Variants in FHIP1A observed in about 807,000 individuals in gnomAD.
FHIP1A encodes the protein FHF complex subunit HOOK interacting protein 1A.
FHIP1A carries 61 observed loss-of-function variants against 88.6 expected under a neutral mutation model. The ratio of observed to expected loss-of-function variants is 0.69; its 90% CI spans 0.56 to 0.85. FHIP1A has a LOEUF of 0.85. Among genes scored for constraint, FHIP1A ranks in the 40% least tolerant of loss-of-function variants. FHIP1A has a pLI of 0.00. For synonymous variants in FHIP1A, 478 were observed against 496.0 expected, an observed-to-expected ratio of 0.96 and a Z score of 0.48; for missense variants, 1,154 against 1,273.5, an observed-to-expected ratio of 0.91 and a Z score of 1.43.
intron 3 of FHIP1A, among the ~76,000 whole-genome samples, chr4:151,487,600 C>T (rs1580623025): frequency 6.6e-6 from 1 of 152,310 alleles, no homozygotes; most frequent in East Asian, 1.9e-4. Context: ...CTTTCATATT[C>T]CCTGTATTGG....
At chr4:151,642,923 A>G (rs1269787387) in intron 9 of FHIP1A, among the ~76,000 whole-genome samples, 2 of 149,512 alleles carry the variant, frequency 1.3e-5, no homozygotes, top group East Asian at 3.9e-4. Flanking sequence ...TACATATTTT[A>G]TTTATATATT....
Position 151,544,029 on chromosome 4 carries a change from C to T in FHIP1A, c.-122-22109C>T, listed in dbSNP as rs138410334. ...AGGGCAAGTGTCATGGCTCAAATTG[C>T]GTTGAACCAAAGTGCTTAGGGCAAT... On this transcript the variant is annotated intron_variant, in intron 3 of 13. Transcript: ENST00000435205. Among the ~76,000 whole-genome samples the T allele has an allele frequency of 5.6e-3, 849 of 152,210 alleles. 6 individuals carry two copies. Among genetic ancestry groups the T allele is most frequent in the Non-Finnish European group, 7.0e-3 (474 of 68,012 alleles).
chr4:151,509,545 G>A (rs893972700), intron 3 of FHIP1A, among the ~76,000 whole-genome samples: 10 of 152,096 alleles, frequency 6.6e-5, no homozygotes, highest in African/African-American at 2.2e-4. Context: ...CTTGGAGACC[G>A]AGGGCACCAT....
rs547863032 is a variant in FHIP1A at position 151,653,832 on chromosome 4, G to A, written c.2552-2400G>A. On this transcript the variant is annotated intron_variant, in intron 11 of 13. Transcript: ENST00000435205. ...AAGTGCAGGAAGAGGGTGCAGGCTC[G>A]ATGGAGGCAGGGGAACGGGAGAGCG... is the stretch of plus-strand genomic sequence containing the variant. 5.3e-5 allele frequency among the ~76,000 whole-genome samples: 8 copies of A among 152,240 alleles called. No homozygotes were observed. The East Asian group carries it at 1.4e-3, about 26-fold the overall frequency.
intron 3 of FHIP1A, among the ~76,000 whole-genome samples, chr4:151,493,361 GA>G (rs1351072975): frequency 3.3e-5 from 5 of 152,080 alleles, no homozygotes; most frequent in African/African-American, 1.2e-4. Flanking sequence ...TAAAGTCCAG[GA>G]ACAGATGGAT....
intron 5 of FHIP1A, among the ~76,000 whole-genome samples, chr4:151,584,016 A>T (rs17027725): frequency 6.6e-6 from 1 of 151,976 alleles, no homozygotes; most frequent in African/African-American, 2.4e-5. Context: ...AGTGTTTGGT[A>T]TTTTTTTTAA....
intron 3 of FHIP1A, among the ~76,000 whole-genome samples, chr4:151,519,033 A>G (rs958536930): frequency 6.6e-6 from 1 of 152,178 alleles, no homozygotes; most frequent in Non-Finnish European, 1.5e-5. Context: ...GTTCTTCAGC[A>G]TATCTATCAT....
chr4:151,490,138 T>A (rs1390142873), intron 3 of FHIP1A, among the ~76,000 whole-genome samples: 1 of 152,206 alleles, frequency 6.6e-6, no homozygotes, highest in African/African-American at 2.4e-5. Context: ...TGCAACACCC[T>A]GGCTAACCAG....
intron 3 of FHIP1A, among the ~76,000 whole-genome samples, chr4:151,484,649 A>G (rs1269949426): frequency 6.6e-6 from 1 of 152,222 alleles, no homozygotes; most frequent in Non-Finnish European, 1.5e-5. Context: ...TGAAGACAGT[A>G]TGATGCAAAA....
chr4:151,412,675 C>CTG (rs1441725728), intron 1 of FHIP1A, among the ~76,000 whole-genome samples: 1 of 104,710 alleles, frequency 9.6e-6, no homozygotes, highest in Non-Finnish European at 1.9e-5. Flanking sequence ...TTCTCTCTCT[C>CTG]TCTCTTTCTT....
In FHIP1A at chr4:151,427,052, T is replaced by C. The variant is rs144416156; in HGVS notation, c.-356+17587T>C. Among the ~76,000 whole-genome samples, 467 of 152,290 alleles carry C rather than the reference T, an allele frequency of 3.1e-3. 2 individuals are homozygous for C. The highest frequency in any genetic ancestry group is 9.7e-3 in the African/African-American group (405 of 41,574). On this transcript the variant is annotated intron_variant, in intron 1 of 13. Coordinates refer to ENST00000435205, the MANE Select transcript of FHIP1A (RefSeq NM_001109977.3). The stretch of plus-strand genomic sequence containing the variant: ...AATTCATGCTTCAGCATATGTGTTA[T>C]AAATGATGGTGACTATCCAGATCCT...
At chr4:151,615,055 T>C (rs1735468107) in intron 7 of FHIP1A, among the ~76,000 whole-genome samples, 1 of 152,236 alleles carries the variant, frequency 6.6e-6, no homozygotes, top group African/African-American at 2.4e-5. Flanking sequence ...TGTAGCTGAA[T>C]TGGTTGGCAG....
intron 2 of FHIP1A, among the ~76,000 whole-genome samples, chr4:151,464,450 C>T (rs980430050): frequency 1.3e-5 from 2 of 152,212 alleles, no homozygotes; most frequent in African/African-American, 4.8e-5. Context: ...CCAACCCAAC[C>T]TTCAAGGTAT....
intron 7 of FHIP1A, among the ~76,000 whole-genome samples, chr4:151,604,873 T>TAATA (rs1231411115): frequency 6.6e-6 from 1 of 151,460 alleles, no homozygotes; most frequent in African/African-American, 2.4e-5. Context: ...CTAATAATAA[T>TAATA]AATAAATAAA....
At chr4:151,491,845 G>A (rs1308406209) in intron 3 of FHIP1A, among the ~76,000 whole-genome samples, 1 of 152,044 alleles carries the variant, frequency 6.6e-6, no homozygotes, top group Non-Finnish European at 1.5e-5. Context: ...GCAAGCAGGA[G>A]TAGCTATTCT....
chr4:151,594,445 T>G (rs1038805724), intron 7 of FHIP1A, among the ~76,000 whole-genome samples: 3 of 152,198 alleles, frequency 2.0e-5, no homozygotes, highest in African/African-American at 7.2e-5. Flanking sequence ...CTTCCTGATT[T>G]AGTCTTGAGA....
intron 1 of FHIP1A, among the ~76,000 whole-genome samples, chr4:151,440,387 G>A (rs973907871): frequency 2.0e-5 from 3 of 152,136 alleles, no homozygotes; most frequent in Non-Finnish European, 4.4e-5. Flanking sequence ...GTGCCAAGTA[G>A]GGGCTCAAAA....
At chr4:151,440,321 G>A (rs752561539) in intron 1 of FHIP1A, among the ~76,000 whole-genome samples, 14 of 152,174 alleles carry the variant, frequency 9.2e-5, no homozygotes, top group Non-Finnish European at 1.5e-4. Flanking sequence ...ATGTCAGTAA[G>A]CTTCATGAAA....
intron 1 of FHIP1A, among the ~76,000 whole-genome samples, chr4:151,448,087 T>A (rs77425427): frequency 6.9e-6 from 1 of 144,396 alleles, no homozygotes; most frequent in African/African-American, 2.5e-5. Flanking sequence ...TTTTTTGGTA[T>A]TTTTTTTTTT....
Sources: gnomAD v4.1 joint callset for allele counts (sites outside exome capture counted in the v4.1 genomes callset) on GRCh38, gnomAD v4.1.1 for gene constraint, MANE v1.5 for transcripts, NCBI Gene and HGNC (gene_info 2026-07-23, HGNC 2026-07-21) for gene names.